USH2A: variants seen among roughly 807,000 people sequenced by gnomAD.
USH2A encodes usherin.
In USH2A, 443 loss-of-function variants were observed where a neutral mutation model predicts 538.9. The ratio of observed to expected loss-of-function variants is 0.82; its 90% CI spans 0.76 to 0.89. The LOEUF is 0.89. Ranked by LOEUF, USH2A falls within the 40% of genes least tolerant of loss-of-function variation. The pLI is 0.00. For missense variants in USH2A, 6,633 were observed against 6,324.8 expected (o/e 1.05, Z -1.65); for synonymous variants, 2,413 against 2,273.5 (o/e 1.06, Z -1.75).
intron 3 of USH2A, among the ~76,000 whole-genome samples, chr1:216,391,180 C>A (rs903739092): frequency 1.3e-5 from 2 of 152,212 alleles, no homozygotes; most frequent in South Asian, 2.1e-4. Flanking sequence ...TATGAATCAA[C>A]CAAAATTGCT....
intron 51 of USH2A, among the ~76,000 whole-genome samples, chr1:215,788,611 T>C (rs946671102): frequency 2.0e-5 from 3 of 152,142 alleles, no homozygotes; most frequent in African/African-American, 4.8e-5. Context: ...TAGAGGTTCA[T>C]TGTCATGAAA....
At position 215,741,441 on chromosome 1, in the gene USH2A, C is replaced by A; in HGVS notation, c.11645G>T (p.Cys3882Phe). The change falls in exon 60 of 72, where the codon TGC (cysteine) becomes TTC (phenylalanine). Residue 3882 changes from cysteine to phenylalanine, a missense_variant. Cys to Phe is a radical substitution (Grantham distance 205). Coordinates refer to ENST00000307340, the MANE Select transcript of USH2A (RefSeq NM_206933.4). ...AGGTGGCATCCACTTAATCTCTATGCAAGCTGACCCCAGTGCCTTAAGAAC... is the reference window on the plus strand; with the variant it reads ...AGGTGGCATCCACTTAATCTCTATGAAAGCTGACCCCAGTGCCTTAAGAAC... The part of the protein sequence containing the change: ...SPVLKALGSA[C>F]IEIKWMPPEK... 1 of 1,613,820 alleles carries A rather than the reference C, an allele frequency of 6.2e-7. No individual in the cohort carries two copies. The highest frequency in any genetic ancestry group is 8.5e-7 in the Non-Finnish European group (1 of 1,179,930).
intron 21 of USH2A, among the ~76,000 whole-genome samples, chr1:216,146,490 C>A (rs1006544765): frequency 4.6e-5 from 7 of 152,178 alleles, no homozygotes; most frequent in African/African-American, 1.7e-4. Flanking sequence ...CTGCCTTGGT[C>A]CTTCACCCTT....
At chr1:215,753,001 G>A (rs1182474870) in intron 58 of USH2A, among the ~76,000 whole-genome samples, 1 of 152,112 alleles carries the variant, frequency 6.6e-6, no homozygotes, top group Non-Finnish European at 1.5e-5. Context: ...GTGGGAGAAG[G>A]ATATGAACAG....
intron 61 of USH2A, among the ~76,000 whole-genome samples, chr1:215,696,741 C>T (rs1274904375): frequency 2.0e-5 from 3 of 152,136 alleles, no homozygotes; most frequent in Non-Finnish European, 2.9e-5. Context: ...TGGTGGCTCA[C>T]GCCTCTAACC....
Position 215,802,271 on chromosome 1 carries a change from C to A in USH2A, c.9740-3146G>T, listed in dbSNP as rs867178437. Among the ~76,000 whole-genome samples the A allele has an allele frequency of 4.6e-5, 7 of 152,004 alleles. No homozygotes were observed. In the South Asian group the frequency reaches 6.2e-4, roughly 14 times the overall value. ...ATAAGGAAAAAAGATGAATTGGATT[C>A]ATCATAATTAATATTAATAACTTTT... On this transcript the variant is annotated intron_variant, in intron 49 of 71. Transcript: ENST00000307340.
intron 11 of USH2A, among the ~76,000 whole-genome samples, chr1:216,273,345 C>T (rs1342974476): frequency 6.6e-6 from 1 of 151,980 alleles, no homozygotes; most frequent in Non-Finnish European, 1.5e-5. Context: ...TCTCAAAACT[C>T]ACTGACCAGG....
intron 36 of USH2A, among the ~76,000 whole-genome samples, chr1:215,968,441 G>C (rs1402377622): frequency 1.3e-5 from 2 of 151,570 alleles, no homozygotes; most frequent in African/African-American, 4.8e-5. Context: ...AAACTGGTCA[G>C]ATTAGAAAAA....
At chr1:215,753,627 C>G (rs1395580481) in intron 58 of USH2A, among the ~76,000 whole-genome samples, 1 of 151,284 alleles carries the variant, frequency 6.6e-6, no homozygotes, top group Non-Finnish European at 1.5e-5. Flanking sequence ...CACATGGACA[C>G]AGGAAGGGGA....
rs370653547 is a variant in USH2A at position 216,418,600 on chromosome 1, G to A, written c.565C>T (p.Arg189Cys). 1.7e-5 allele frequency: 28 copies of A among 1,613,300 alleles called. No homozygotes were observed. Among genetic ancestry groups the A allele is most frequent in the Middle Eastern group, 1.7e-4 (1 of 6,048 alleles). ...ISEKETMFYYRTVNGLQPPIK... is the reference protein window; with the variant it reads ...ISEKETMFYYCTVNGLQPPIK... ...GGAGGTTGCAAACCATTTACTGTGCGATAATAAAACATGGTCTCTTTCTCA... is the reference window on the plus strand; with the variant it reads ...GGAGGTTGCAAACCATTTACTGTGCAATAATAAAACATGGTCTCTTTCTCA... Residue 189 changes from arginine to cysteine, a missense_variant, in exon 3 of 72, where the codon CGC (arginine) becomes TGC (cysteine). By Grantham distance (180) the Arg-to-Cys change is radical. Transcript: ENST00000307340.
intron 3 of USH2A, among the ~76,000 whole-genome samples, chr1:216,378,052 A>G (rs1051300898): frequency 5.9e-5 from 9 of 152,032 alleles, no homozygotes; most frequent in African/African-American, 2.4e-5. Flanking sequence ...AAAGGTGGAC[A>G]TGCCTCAGAA....
intron 3 of USH2A, among the ~76,000 whole-genome samples, chr1:216,377,811 GAAAGAA>G (rs1259061344): frequency 9.8e-4 from 8 of 8,188 alleles, no homozygotes; most frequent in African/African-American, 3.0e-3. Flanking sequence ...GAAATAAAAA[GAAAGAA>G]AGAAAGAAAG....
At chr1:216,259,492 A>G (rs1315744423) in intron 11 of USH2A, among the ~76,000 whole-genome samples, 1 of 152,114 alleles carries the variant, frequency 6.6e-6, no homozygotes, top group African/African-American at 2.4e-5. Flanking sequence ...TATTGTGATC[A>G]AGAGCCAGTT....
At chr1:216,247,860 A>G (rs2036083139) in intron 12 of USH2A, among the ~76,000 whole-genome samples, 1 of 152,124 alleles carries the variant, frequency 6.6e-6, no homozygotes, top group Non-Finnish European at 1.5e-5. Flanking sequence ...CATATATCAA[A>G]ACATCATGTT....
intron 44 of USH2A, among the ~76,000 whole-genome samples, chr1:215,846,715 A>C (rs904543635): frequency 6.6e-6 from 1 of 152,222 alleles, no homozygotes; most frequent in South Asian, 2.1e-4. Context: ...ATGAAAGTAT[A>C]CAGTACATAG....
Position 216,199,780 on chromosome 1 carries a change from C to T in USH2A, c.3658G>A (p.Val1220Ile). The T allele has an allele frequency of 6.2e-7, 1 of 1,614,104 alleles. No homozygotes were observed. The highest frequency in any genetic ancestry group is 1.3e-5 in the African/African-American group (1 of 75,026). Residue 1220 changes from valine to isoleucine, a missense_variant, in exon 17 of 72, where the codon GTA (valine) becomes ATA (isoleucine). Val to Ile is a conservative substitution (Grantham distance 29, BLOSUM62 3). Transcript: ENST00000307340. ...CAGCCCCCGCTAGTACACGCCTGTA[C>T]AGAAAAATCGTACTTGGCAAATGGA... ...LVPFAKYDFS[V>I]QACTSGGCLH...
chr1:216,019,935 A>T (rs988035968), intron 32 of USH2A, among the ~76,000 whole-genome samples: 3 of 152,212 alleles, frequency 2.0e-5, no homozygotes, highest in African/African-American at 4.8e-5. Flanking sequence ...TTGCATGTTA[A>T]AAAGCTGGTA....
chr1:215,847,372 G>T (rs1449058871), intron 44 of USH2A, among the ~76,000 whole-genome samples: 1 of 152,058 alleles, frequency 6.6e-6, no homozygotes, highest in African/African-American at 2.4e-5. Flanking sequence ...AATTGCTCAG[G>T]CTGGGCACAG....
At chr1:216,147,031 T>C (rs1297366669) in intron 21 of USH2A, among the ~76,000 whole-genome samples, 3 of 152,216 alleles carry the variant, frequency 2.0e-5, no homozygotes, top group Non-Finnish European at 2.9e-5. Context: ...AATAGGCAAA[T>C]GGCCTGAGGT....
Sources: allele counts gnomAD v4.1 joint callset (sites outside exome capture counted in the v4.1 genomes callset), GRCh38; gene constraint gnomAD v4.1.1; transcripts MANE v1.5; gene names NCBI Gene and HGNC (gene_info 2026-07-23, HGNC 2026-07-21).